DOCK3: variants seen among roughly 807,000 people sequenced by gnomAD.
The protein encoded by DOCK3 is dedicator of cytokinesis 3, also known as dedicator of cytokinesis protein 3.
Under a neutral mutation model 265.6 loss-of-function variants are expected in DOCK3, and 60 were observed. The ratio of observed to expected loss-of-function variants is 0.23; its 90% CI spans 0.18 to 0.28. DOCK3 has a LOEUF of 0.28. Among genes scored for constraint, DOCK3 ranks in the 10% least tolerant of loss-of-function variants. The pLI is 1.00. For missense variants in DOCK3, 1,981 were observed against 2,594.3 expected (o/e 0.76, Z 5.14); for synonymous variants, 881 against 938.0 (o/e 0.94, Z 1.11).
intron 22 of DOCK3, among the ~76,000 whole-genome samples, chr3:51,249,961 A>G (rs1250015306): frequency 3.3e-5 from 5 of 151,600 alleles, no homozygotes; most frequent in African/African-American, 1.2e-4. Flanking sequence ...GATCCTGTTG[A>G]TCTGTGACCT....
At chr3:50,787,202 C>A in intron 2 of DOCK3, 1 of 613,326 alleles carries the variant, frequency 1.6e-6, no homozygotes, top group East Asian at 3.2e-5. Context: ...TATCACAAAT[C>A]TGCATGTGCC....
intron 26 of DOCK3, 74 bp from the exon 27 acceptor site, chr3:51,280,032 T>A: frequency 8.1e-7 from 1 of 1,239,714 alleles, no homozygotes; most frequent in Non-Finnish European, 1.2e-6. Flanking sequence ...CCTTCTCTCC[T>A]TGCCCTCTAT....
intron 27 of DOCK3, among the ~76,000 whole-genome samples, chr3:51,296,101 A>G (rs1444964906): frequency 6.6e-6 from 1 of 152,204 alleles, no homozygotes; most frequent in East Asian, 1.9e-4. Context: ...CCACAGGAAA[A>G]TTATCAAAAG....
chr3:50,976,652 A>T (rs919481664), intron 5 of DOCK3, among the ~76,000 whole-genome samples: 22 of 152,106 alleles, frequency 1.4e-4, no homozygotes, highest in Admixed American at 7.2e-4. Flanking sequence ...CTAGATGTCT[A>T]TTAGGTCTGC....
chr3:50,882,050 A>G (rs1049950523), intron 3 of DOCK3, among the ~76,000 whole-genome samples: 2 of 152,182 alleles, frequency 1.3e-5, no homozygotes, highest in African/African-American at 2.4e-5. Flanking sequence ...TGCTCGGAAA[A>G]CTGGCTAGCC....
intron 27 of DOCK3, among the ~76,000 whole-genome samples, chr3:51,285,621 CA>C (rs1034176395): frequency 1.3e-4 from 19 of 151,380 alleles, no homozygotes; most frequent in Admixed American, 1.2e-3. Flanking sequence ...ATCTGAGGTA[CA>C]AAAAGAAAAG....
chr3:50,679,174 A>C (rs746323161), intron 1 of DOCK3, among the ~76,000 whole-genome samples: 9 of 151,972 alleles, frequency 5.9e-5, no homozygotes, highest in Admixed American at 1.3e-4. Flanking sequence ...TGGTCTTGCT[A>C]TGTTGCCCAG....
At chr3:50,792,978 G>C (rs2042571109) in intron 2 of DOCK3, among the ~76,000 whole-genome samples, 2 of 152,320 alleles carry the variant, frequency 1.3e-5, no homozygotes, top group South Asian at 4.1e-4. Flanking sequence ...GTTTCAGTAA[G>C]AATGGTACCA....
intron 5 of DOCK3, among the ~76,000 whole-genome samples, chr3:51,058,168 C>T (rs1045276127): frequency 2.6e-5 from 4 of 152,160 alleles, no homozygotes; most frequent in African/African-American, 7.2e-5. Flanking sequence ...CTCCCAAGAA[C>T]ATGCATTCCA....
chr3:51,199,766 T>G (rs2088585182), intron 12 of DOCK3, among the ~76,000 whole-genome samples: 1 of 152,176 alleles, frequency 6.6e-6, no homozygotes, highest in Non-Finnish European at 1.5e-5. Context: ...CTGAGCAGCC[T>G]AACTGGGAGG....
intron 12 of DOCK3, among the ~76,000 whole-genome samples, chr3:51,171,612 G>A (rs148404081): frequency 5.3e-5 from 8 of 151,934 alleles, no homozygotes; most frequent in Admixed American, 5.2e-4. Flanking sequence ...AGCTACTCAG[G>A]GGGCTGAGGC....
chr3:50,849,351 T>TAC (rs1452710238), intron 3 of DOCK3, among the ~76,000 whole-genome samples: 3 of 150,728 alleles, frequency 2.0e-5, no homozygotes, highest in Non-Finnish European at 3.0e-5. Flanking sequence ...TATACATATA[T>TAC]ACACACACAC....
chr3:51,044,861 G>C (rs533345441), intron 5 of DOCK3, among the ~76,000 whole-genome samples: 2 of 152,116 alleles, frequency 1.3e-5, no homozygotes, highest in Admixed American at 6.5e-5. Context: ...ACCTCTCTTC[G>C]CATTCATAGA....
chr3:51,325,031 C>T (rs1294844544), intron 32 of DOCK3, among the ~76,000 whole-genome samples: 1 of 152,068 alleles, frequency 6.6e-6, no homozygotes, highest in Admixed American at 6.6e-5. Context: ...GACTAAAACA[C>T]CAAAAGCAAT....
At chr3:50,950,191 A>C (rs910135895) in intron 5 of DOCK3, among the ~76,000 whole-genome samples, 1 of 152,122 alleles carries the variant, frequency 6.6e-6, no homozygotes, top group Non-Finnish European at 1.5e-5. Context: ...TTCTTTAAAC[A>C]TATTATAAGT....
intron 21 of DOCK3, among the ~76,000 whole-genome samples, chr3:51,241,666 A>G (rs2078616065): frequency 6.6e-6 from 1 of 152,144 alleles, no homozygotes; most frequent in Non-Finnish European, 1.5e-5. Flanking sequence ...ATATTTCAGA[A>G]GGCCAGTCTT....
At chr3:50,975,529 T>C (rs1236644891) in intron 5 of DOCK3, among the ~76,000 whole-genome samples, 8 of 151,588 alleles carry the variant, frequency 5.3e-5, no homozygotes, top group Admixed American at 5.3e-4. Flanking sequence ...GATGTGCTGC[T>C]GGATTCGTTT....
chr3:51,082,036 G>A (rs745846536), intron 7 of DOCK3, among the ~76,000 whole-genome samples: 1 of 151,992 alleles, frequency 6.6e-6, no homozygotes, highest in African/African-American at 2.4e-5. Context: ...CAGAATACTG[G>A]AGTTCATCAG....
intron 5 of DOCK3, among the ~76,000 whole-genome samples, chr3:50,975,934 G>T (rs1303635410): frequency 6.7e-6 from 1 of 150,150 alleles, no homozygotes; most frequent in Non-Finnish European, 1.5e-5. Context: ...TTGCGTAGAG[G>T]TGTTTGTAGT....
Sources: allele counts gnomAD v4.1 joint callset (sites outside exome capture counted in the v4.1 genomes callset), GRCh38; gene constraint gnomAD v4.1.1; transcripts MANE v1.5; gene names NCBI Gene and HGNC (gene_info 2026-07-23, HGNC 2026-07-21).